CRTC1: variants seen among roughly 807,000 people sequenced by gnomAD.
CRTC1 encodes CREB-regulated transcription coactivator 1.
In CRTC1, 18 loss-of-function variants were observed where a neutral mutation model predicts 66.1. The observed-to-expected ratio is 0.27, with a 90% CI of 0.19 to 0.40. The LOEUF (loss-of-function observed/expected upper bound fraction) is 0.40. CRTC1 is among the 10% of genes least tolerant of loss of function. The probability of loss-of-function intolerance (pLI) is 1.00; values close to 1 mark genes in which losing one functional copy is unlikely to be tolerated. For missense variants in CRTC1, 669 were observed against 887.9 expected, an observed-to-expected ratio of 0.75 and a Z score of 3.13; for synonymous variants, 416 against 398.8, an observed-to-expected ratio of 1.04 and a Z score of -0.51.
In CRTC1 at chr19:18,779,109, C is replaced by CA; in HGVS notation, c.*1727_*1728insA. On this transcript the variant is annotated 3_prime_UTR_variant, in exon 14 of 14. Transcript: ENST00000321949. ...AATAGGAACTGCTGTTCTGATCCCC[C>CA]CAAAACTGCATTGCGGCTCTCGCTC... 1 of 232,758 alleles carries CA rather than the reference C, an allele frequency of 4.3e-6. No individual in the cohort carries two copies. The highest frequency in any genetic ancestry group is 6.1e-5 in the East Asian group (1 of 16,482). The allele number at this position is 232,758 out of a possible 1,614,324, so 14.4% of individuals were successfully genotyped here.
intron 8 of CRTC1, among the ~76,000 whole-genome samples, chr19:18,761,015 C>G (rs889810200): frequency 6.6e-6 from 1 of 152,102 alleles, no homozygotes; most frequent in Non-Finnish European, 1.5e-5. Flanking sequence ...AAGCCTGAGG[C>G]CTCCAGGGTC....
intron 11 of CRTC1, among the ~76,000 whole-genome samples, chr19:18,772,186 C>T (rs1174580187): frequency 6.6e-6 from 1 of 152,204 alleles, no homozygotes; most frequent in Non-Finnish European, 1.5e-5. Context: ...CCCAGCCACT[C>T]CAAGGTTCAG....
intron 3 of CRTC1, among the ~76,000 whole-genome samples, chr19:18,746,619 C>T (rs950101606): frequency 3.3e-5 from 5 of 152,112 alleles, no homozygotes; most frequent in South Asian, 2.1e-4. Flanking sequence ...TTCTCATTTC[C>T]GTGGGCTGGG....
chr19:18,760,922 A>G lies in CRTC1; in HGVS notation c.886+694A>G, dbSNP rs1390156688. Among the ~76,000 whole-genome samples the G allele has an allele frequency of 9.2e-6, 1 of 109,116 alleles. No homozygotes were observed. 71.6% of individuals were successfully genotyped at this position (109,116 alleles called of 152,430 possible). On this transcript the variant is annotated intron_variant, in intron 8 of 13. Coordinates refer to ENST00000321949, the MANE Select transcript of CRTC1 (RefSeq NM_015321.3). The surrounding 1 kb of genome is among the most constrained non-coding windows in gnomAD (Gnocchi z 6.2). Reference sequence around the variant, plus strand: ...ACCTGGCTCCTCTCCCCAGGCCCCCAGCCCCCTCCCCACCTAGAACAGCCA... The same window carrying G: ...ACCTGGCTCCTCTCCCCAGGCCCCCGGCCCCCTCCCCACCTAGAACAGCCA...
chr19:18,702,660 G>C (rs1247183238), intron 1 of CRTC1, among the ~76,000 whole-genome samples: 1 of 149,764 alleles, frequency 6.7e-6, no homozygotes, highest in East Asian at 2.0e-4. Flanking sequence ...TCAGCCTCCC[G>C]AGTAGCTGGG....
chr19:18,769,797 C>T (rs2054821463), intron 10 of CRTC1, among the ~76,000 whole-genome samples: 1 of 152,174 alleles, frequency 6.6e-6, no homozygotes. Context: ...AGCACCCTCA[C>T]ACAACAAAGA....
intron 1 of CRTC1, among the ~76,000 whole-genome samples, chr19:18,713,651 C>T (rs1053080420): frequency 1.3e-5 from 2 of 148,634 alleles, no homozygotes; most frequent in Admixed American, 6.7e-5. Flanking sequence ...CCAGGCTCAC[C>T]GCCGGTTGGC....
rs542555198 is a variant in CRTC1, at chr19:18,703,752, C to T, written c.126+19924C>T. 4.5e-4 allele frequency among the ~76,000 whole-genome samples: 69 copies of T among 152,176 alleles called. 1 individual carries two copies. The South Asian group carries it at 7.5e-3, about 16-fold the overall frequency. ...TGCTAGGATTATAGGTTTGAGCCAC[C>T]GTGCCTGGCTAATTTTTGCATTTTT... On this transcript the variant is annotated intron_variant, in intron 1 of 13. Coordinates refer to ENST00000321949, the MANE Select transcript of CRTC1 (RefSeq NM_015321.3).
At chr19:18,721,044 C>T (rs1402954637) in intron 1 of CRTC1, among the ~76,000 whole-genome samples, 5 of 152,180 alleles carry the variant, frequency 3.3e-5, no homozygotes, top group Admixed American at 3.3e-4. Context: ...CTTCCTGCCT[C>T]CTCCAGCTTC....
At position 18,777,737 on chromosome 19, in the gene CRTC1, CAG is replaced by C. The variant is rs930613281; in HGVS notation, c.*356_*357del. 13 of 358,488 alleles carry C rather than the reference CAG, an allele frequency of 3.6e-5. No homozygotes were observed. The highest frequency in any genetic ancestry group is 6.2e-5 in the Non-Finnish European group (12 of 194,364). 22.2% of individuals were successfully genotyped at this position (358,488 alleles called of 1,614,324 possible). A position where few individuals can be genotyped will look rare whatever the true frequency, so the allele number is the denominator to read the frequency against. On this transcript the variant is annotated 3_prime_UTR_variant, in exon 14 of 14. Coordinates refer to ENST00000321949, the MANE Select transcript of CRTC1 (RefSeq NM_015321.3). The surrounding 1 kb of genome is among the most constrained non-coding windows in gnomAD (Gnocchi z 5.5). ...CAGCTCCCGGCGTGGCGGGCAGGCT[CAG>C]GGGAGGGGCGCGCATGGTCCGCCAG...
At chr19:18,759,097 C>T (rs779492326) in intron 6 of CRTC1, among the ~76,000 whole-genome samples, 10 of 152,154 alleles carry the variant, frequency 6.6e-5, no homozygotes, top group South Asian at 2.1e-4. Flanking sequence ...CCCAGCCACT[C>T]GGGAGGCTGA....
At chr19:18,770,306 G>A (rs1162748416) in intron 10 of CRTC1, among the ~76,000 whole-genome samples, 2 of 152,260 alleles carry the variant, frequency 1.3e-5, no homozygotes, top group Non-Finnish European at 2.9e-5. Flanking sequence ...AGCAGGTGGA[G>A]GAAGTGACTG....
chr19:18,739,988 C>T (rs540570588), intron 1 of CRTC1, among the ~76,000 whole-genome samples: 2 of 152,172 alleles, frequency 1.3e-5, no homozygotes. Context: ...TGTGGTGGCT[C>T]ACACCTGTAA....
At chr19:18,700,593 T>C (rs1372534327) in intron 1 of CRTC1, among the ~76,000 whole-genome samples, 1 of 152,200 alleles carries the variant, frequency 6.6e-6, no homozygotes, top group Non-Finnish European at 1.5e-5. Flanking sequence ...GCACTTCCCG[T>C]TTCCTCTGCA....
chr19:18,753,658 A>G, intron 6 of CRTC1, 73 bp downstream of exon 6: 1 of 1,151,606 alleles, frequency 8.7e-7, no homozygotes, highest in Non-Finnish European at 1.3e-6. Flanking sequence ...CAAAGGTGAC[A>G]AAATGGCAGG....
At chr19:18,702,363 G>A (rs2053164523) in intron 1 of CRTC1, among the ~76,000 whole-genome samples, 1 of 151,788 alleles carries the variant, frequency 6.6e-6, no homozygotes, top group Non-Finnish European at 1.5e-5. Flanking sequence ...GAGACCATAG[G>A]TGTGTACCAC....
chr19:18,740,632 A>T (rs890258420), intron 1 of CRTC1, among the ~76,000 whole-genome samples: 1 of 152,090 alleles, frequency 6.6e-6, no homozygotes. Context: ...CAAAGGTCAG[A>T]CCTCTCTTGG....
intron 8 of CRTC1, among the ~76,000 whole-genome samples, chr19:18,764,246 G>A (rs2054678820): frequency 6.6e-6 from 1 of 152,236 alleles, no homozygotes; most frequent in Admixed American, 6.5e-5. Flanking sequence ...GATCTCCTGG[G>A]GTGAGTCAGG....
rs763877865 is a variant in CRTC1, at chr19:18,745,923, A to G, written c.344A>G (p.His115Arg). 1.1e-5 allele frequency: 17 copies of G among 1,612,192 alleles called. No individual in the cohort carries two copies. The highest frequency in any genetic ancestry group is 1.4e-5 in the Non-Finnish European group (17 of 1,179,374). Residue 115 changes from histidine (H) to arginine (R), a missense_variant, in exon 3 of 14, where the codon CAC (histidine) becomes CGC (arginine). Physicochemically the swap from His to Arg is conservative, Grantham distance 29. Coordinates refer to ENST00000321949, the MANE Select transcript of CRTC1 (RefSeq NM_015321.3). ...YRERGRLGSP[H>R]RRPLSVDKHG... is the part of the protein sequence containing the mutation. The stretch of plus-strand genomic sequence containing the variant: ...GAGCGTGGCCGGCTCGGCTCCCCAC[A>G]CCGCCGGCCCCTGTCAGTGGACAAA...
Sources: allele counts gnomAD v4.1 joint callset (sites outside exome capture counted in the v4.1 genomes callset), GRCh38; gene constraint gnomAD v4.1.1; non-coding constraint Gnocchi (gnomAD v3.1); transcripts MANE v1.5; gene names NCBI Gene and HGNC (gene_info 2026-07-23, HGNC 2026-07-21).